The following PPFIBP1 variants were observed in gnomAD, a reference collection of about 807,000 sequenced individuals.
The protein encoded by PPFIBP1 is liprin-beta-1.
Under a neutral mutation model 137.8 loss-of-function variants are expected in PPFIBP1, and 112 were observed. That is an observed-to-expected ratio of 0.81 (90% CI 0.70 to 0.95). PPFIBP1 has a LOEUF of 0.95. Ranked by LOEUF, PPFIBP1 falls within the 40% of genes least tolerant of loss-of-function variation. The pLI, the probability that PPFIBP1 is intolerant of heterozygous loss-of-function variation, is 0.00. For missense variants in PPFIBP1, 1,083 were observed against 1,196.6 expected, an observed-to-expected ratio of 0.91 and a Z score of 1.40; for synonymous variants, 378 against 417.3, an observed-to-expected ratio of 0.91 and a Z score of 1.15.
rs549037514 is a variant in PPFIBP1, at chr12:27,686,166, A to C, written c.2248-1219A>C. The stretch of plus-strand genomic sequence containing the variant: ...TACTTTTAAGGAATTACTCCAGAAA[A>C]ACTTCAGGAAATAATTTTTGCCTGG... On this transcript the variant is annotated intron_variant, in intron 24 of 29. Coordinates refer to ENST00000228425, the MANE Select transcript of PPFIBP1 (RefSeq NM_003622.4). Among the ~76,000 whole-genome samples, 52 of 152,322 alleles carry C rather than the reference A, an allele frequency of 3.4e-4. 1 individual carries two copies. In the South Asian group the frequency reaches 9.9e-3, roughly 29 times the overall value.
intron 1 of PPFIBP1, among the ~76,000 whole-genome samples, chr12:27,534,035 A>G (rs1944702402): frequency 6.6e-6 from 1 of 152,206 alleles, no homozygotes; most frequent in Admixed American, 6.5e-5. Flanking sequence ...GGGGCTGATG[A>G]ACTGCAGGTG....
chr12:27,600,450 AATAGT>A (rs573361458), intron 2 of PPFIBP1, among the ~76,000 whole-genome samples: 403 of 152,194 alleles, frequency 2.6e-3, no homozygotes, highest in Non-Finnish European at 4.3e-3. Flanking sequence ...AAAAAAAAAA[AATAGT>A]TAGAAGAATA....
chr12:27,542,761 A>C (rs1279144679), intron 1 of PPFIBP1, among the ~76,000 whole-genome samples: 1 of 152,148 alleles, frequency 6.6e-6, no homozygotes, highest in East Asian at 1.9e-4. Flanking sequence ...GCATCTCTCA[A>C]ATCCTTATGC....
chr12:27,590,779 C>G (rs2052407843), intron 2 of PPFIBP1, among the ~76,000 whole-genome samples: 1 of 152,100 alleles, frequency 6.6e-6, no homozygotes, highest in African/African-American at 2.4e-5. Context: ...GCAAGTGTGT[C>G]CCCTTCGGGA....
At chr12:27,613,740 C>T (rs2055423325) in intron 2 of PPFIBP1, among the ~76,000 whole-genome samples, 1 of 151,726 alleles carries the variant, frequency 6.6e-6, no homozygotes, top group African/African-American at 2.4e-5. Flanking sequence ...CACTCAGAGA[C>T]CTGAAGTGTC....
intron 1 of PPFIBP1, among the ~76,000 whole-genome samples, chr12:27,545,348 C>T (rs555921562): frequency 3.9e-5 from 6 of 152,074 alleles, no homozygotes; most frequent in Non-Finnish European, 7.4e-5. Context: ...CAATCCTGCA[C>T]GTTCTGCACG....
intron 1 of PPFIBP1, among the ~76,000 whole-genome samples, chr12:27,551,149 G>A (rs1946739077): frequency 6.6e-6 from 1 of 152,046 alleles, no homozygotes; most frequent in African/African-American, 2.4e-5. Flanking sequence ...TGGTAGTTAA[G>A]AGTTCAAGTT....
intron 5 of PPFIBP1, among the ~76,000 whole-genome samples, 158 bp from the exon 6 acceptor site, chr12:27,647,571 G>A (rs988528814): frequency 1.3e-5 from 2 of 152,094 alleles, no homozygotes; most frequent in African/African-American, 2.4e-5. Context: ...ATAGGAATGT[G>A]AGGGACCACT....
At chr12:27,596,782 TAAGTATC>T (rs2053363904) in intron 2 of PPFIBP1, among the ~76,000 whole-genome samples, 1 of 152,222 alleles carries the variant, frequency 6.6e-6, no homozygotes, top group Non-Finnish European at 1.5e-5. Flanking sequence ...CTCAATCAGT[TAAGTATC>T]ATCATATGCC....
intron 12 of PPFIBP1, among the ~76,000 whole-genome samples, 182 bp downstream of exon 12, chr12:27,664,628 G>A (rs192142470): frequency 1.7e-4 from 25 of 150,962 alleles, no homozygotes; most frequent in African/African-American, 6.1e-4. Context: ...AGGAGTGAGT[G>A]TACTGTAGAG....
intron 9 of PPFIBP1, 82 bp downstream of exon 9, chr12:27,656,812 G>A (rs2059228763): frequency 1.0e-6 from 1 of 967,854 alleles, no homozygotes; most frequent in Non-Finnish European, 1.6e-6. Flanking sequence ...GAAAATCAAT[G>A]TGTAGTTTTA....
In PPFIBP1 at chr12:27,598,886, G is replaced by A. The variant is rs79419243; in HGVS notation, c.-36+20647G>A. Among the ~76,000 whole-genome samples, 224 of 152,214 alleles carry A rather than the reference G, an allele frequency of 1.5e-3. 1 individual carries two copies. The highest frequency in any genetic ancestry group is 0.01 in the Middle Eastern group (3 of 294). On this transcript the variant is annotated intron_variant, in intron 2 of 29. Coordinates refer to ENST00000228425, the MANE Select transcript of PPFIBP1 (RefSeq NM_003622.4). Reference sequence around the variant, plus strand: ...TTCCCTTGGATTACAATTTTACATCGTCTAAGTAGTATAAGCTGCCTTTTC... The same window carrying A: ...TTCCCTTGGATTACAATTTTACATCATCTAAGTAGTATAAGCTGCCTTTTC...
chr12:27,670,935 A>G (rs527309530), intron 13 of PPFIBP1, among the ~76,000 whole-genome samples: 1 of 152,104 alleles, frequency 6.6e-6, no homozygotes, highest in South Asian at 2.1e-4. Context: ...TAGCGAAGTT[A>G]TTTGCTAAGA....
Position 27,672,494 on chromosome 12 carries a change from T to A in PPFIBP1, c.1319+11T>A. 1 of 1,583,370 alleles carries A rather than the reference T, an allele frequency of 6.3e-7. No individual in the cohort carries two copies. Among genetic ancestry groups the A allele is most frequent in the Non-Finnish European group, 8.7e-7 (1 of 1,153,544 alleles). ...GTGTGATAAACTTTTGTAAGTTACA[T>A]TTTATTGAATGTGAAAAATGTGATT... On this transcript the variant is annotated intron_variant, in intron 15 of 29. Coordinates refer to ENST00000228425, the MANE Select transcript of PPFIBP1 (RefSeq NM_003622.4).
chr12:27,536,378 G>A (rs1945004977), intron 1 of PPFIBP1, among the ~76,000 whole-genome samples: 1 of 152,318 alleles, frequency 6.6e-6, no homozygotes, highest in African/African-American at 2.4e-5. Flanking sequence ...TGTACGTGAA[G>A]CATAGTGCCA....
intron 1 of PPFIBP1, among the ~76,000 whole-genome samples, chr12:27,534,571 A>G (rs991079802): frequency 6.6e-6 from 1 of 152,190 alleles, no homozygotes; most frequent in Non-Finnish European, 1.5e-5. Context: ...TAAAAAAAAA[A>G]AAGAGAATGA....
chr12:27,660,283 A>G (rs2059461204), intron 10 of PPFIBP1, among the ~76,000 whole-genome samples: 1 of 152,198 alleles, frequency 6.6e-6, no homozygotes, highest in Non-Finnish European at 1.5e-5. Context: ...AAGGAGAATC[A>G]CATTCAGCTT....
rs373253784 is a variant in PPFIBP1, at chr12:27,583,689, A to G, written c.-36+5450A>G. ...TCATAAGGGAAAACAGCAACACCCA[A>G]GAAAAATCCATTTACATTTACCCAC... On this transcript the variant is annotated intron_variant, in intron 2 of 29. Coordinates refer to ENST00000228425, the MANE Select transcript of PPFIBP1 (RefSeq NM_003622.4). Among the ~76,000 whole-genome samples the G allele has an allele frequency of 3.3e-5, 5 of 152,312 alleles. No individual in the cohort carries two copies. In the East Asian group the frequency reaches 7.7e-4, roughly 24 times the overall value.
chr12:27,557,691 C>A (rs1392928790), intron 1 of PPFIBP1, among the ~76,000 whole-genome samples: 2 of 152,154 alleles, frequency 1.3e-5, no homozygotes, highest in Non-Finnish European at 2.9e-5. Flanking sequence ...AGCTTTTATA[C>A]TCATGGTATT....
Sources: gnomAD v4.1 joint callset for allele counts (sites outside exome capture counted in the v4.1 genomes callset) on GRCh38, gnomAD v4.1.1 for gene constraint, MANE v1.5 for transcripts, NCBI Gene and HGNC (gene_info 2026-07-23, HGNC 2026-07-21) for gene names.